Variants in CEP68 observed in about 807,000 individuals in gnomAD.
CEP68 encodes centrosomal protein 68, also known as centrosomal protein of 68 kDa.
Under a neutral mutation model 55.3 loss-of-function variants are expected in CEP68, and 26 were observed. The ratio of observed to expected loss-of-function variants is 0.47; its 90% CI spans 0.34 to 0.65. The LOEUF is 0.65. Among genes scored for constraint, CEP68 ranks in the 30% least tolerant of loss-of-function variants. CEP68 has a pLI of 0.01. For synonymous variants in CEP68, 402 were observed against 383.2 expected, an observed-to-expected ratio of 1.05 and a Z score of -0.57; for missense variants, 957 against 946.7, an observed-to-expected ratio of 1.01 and a Z score of -0.14.
Position 65,085,715 on chromosome 2 carries a change from G to C in CEP68, c.*2081G>C, listed in dbSNP as rs1486001212. On this transcript the variant is annotated 3_prime_UTR_variant, in exon 7 of 7. Coordinates refer to ENST00000377990, the MANE Select transcript of CEP68 (RefSeq NM_015147.3). The stretch of plus-strand genomic sequence containing the variant: ...AGTCCCAGCTACTTGGGAGGCTGAG[G>C]CATGAGAATGGCATGAACCCGGGAG... The C allele has an allele frequency of 6.6e-6, 1 of 152,366 alleles. No individual in the cohort carries two copies. The highest frequency in any genetic ancestry group is 1.5e-5 in the Non-Finnish European group (1 of 68,214). 9.4% of individuals were successfully genotyped at this position (152,366 alleles called of 1,614,324 possible).
chr2:65,063,339 G>A (rs891767593), intron 1 of CEP68, among the ~76,000 whole-genome samples: 1 of 152,228 alleles, frequency 6.6e-6, no homozygotes, highest in African/African-American at 2.4e-5. Context: ...TGAGTTCACT[G>A]TCTGTGCTCT....
intron 4 of CEP68, among the ~76,000 whole-genome samples, chr2:65,077,331 A>C (rs1362546950): frequency 6.6e-6 from 1 of 152,172 alleles, no homozygotes; most frequent in Non-Finnish European, 1.5e-5. Context: ...AACAAACATC[A>C]AGAACACCAG....
chr2:65,062,824 G>A (rs1675978008), intron 1 of CEP68, among the ~76,000 whole-genome samples: 1 of 146,484 alleles, frequency 6.8e-6, no homozygotes, highest in African/African-American at 2.6e-5. Context: ...GCGACAGAGC[G>A]AGACTCTATC....
chr2:65,080,753 G>A (rs1676973813), intron 5 of CEP68, among the ~76,000 whole-genome samples: 1 of 152,042 alleles, frequency 6.6e-6, no homozygotes, highest in Non-Finnish European at 1.5e-5. Context: ...GGGAGGCAGA[G>A]GTTGCAGTGA....
chr2:65,081,694 TTTTTG>T (rs10565893), intron 5 of CEP68, among the ~76,000 whole-genome samples: 11,294 of 151,920 alleles, frequency 0.074, 530 homozygotes, highest in East Asian at 0.23. Flanking sequence ...TCGGGTCATT[TTTTTG>T]TTTTGTTTTG....
At position 65,078,139 on chromosome 2, in the gene CEP68, C is replaced by T. The variant is rs147155140; in HGVS notation, c.2104+175C>T. Among the ~76,000 whole-genome samples, 345 of 152,324 alleles carry T rather than the reference C, an allele frequency of 2.3e-3. 3 individuals carry two copies. The highest frequency in any genetic ancestry group is 8.0e-3 in the African/African-American group (332 of 41,582). ...TCCACGCGTCGCTGCCCATCACTGCCCCTACACACCTGCTTAGAGGCAGTC... is the reference window on the plus strand; with the variant it reads ...TCCACGCGTCGCTGCCCATCACTGCTCCTACACACCTGCTTAGAGGCAGTC... On this transcript the variant is annotated intron_variant, in intron 5 of 6. Coordinates refer to ENST00000377990, the MANE Select transcript of CEP68 (RefSeq NM_015147.3).
chr2:65,077,919 C>A lies in CEP68; in HGVS notation c.2059C>A (p.Gln687Lys), dbSNP rs1676838364. 5 of 1,613,844 alleles carry A rather than the reference C, an allele frequency of 3.1e-6. No homozygotes were observed. In the African/African-American group the frequency reaches 4.0e-5, roughly 13 times the overall value. Residue 687 changes from glutamine to lysine, a missense_variant, in exon 5 of 7, where the codon CAG becomes AAG. By Grantham distance (53) the Gln-to-Lys change is moderately conservative. Coordinates refer to ENST00000377990, the MANE Select transcript of CEP68 (RefSeq NM_015147.3). ...EHQSLTESVL[Q>K]KGEILLQCLL... ...TCAGTCTCTGACGGAGAGTGTCTTA[C>A]AGAAGGGGGAGATTCTTCTTCAGTG...
chr2:65,064,590 T>C (rs928522478), intron 1 of CEP68, among the ~76,000 whole-genome samples: 1 of 151,936 alleles, frequency 6.6e-6, no homozygotes, highest in Non-Finnish European at 1.5e-5. Flanking sequence ...AAAAATTAGC[T>C]GGGTGCGGTG....
intron 1 of CEP68, among the ~76,000 whole-genome samples, chr2:65,064,205 A>G (rs1676043780): frequency 6.6e-6 from 1 of 152,208 alleles, no homozygotes; most frequent in Admixed American, 6.5e-5. Context: ...AGGGATGTCA[A>G]CTGAATAGTT....
In CEP68 at chr2:65,081,685, C is replaced by T. The variant is rs898266413; in HGVS notation, c.2105-851C>T. On this transcript the variant is annotated intron_variant, in intron 5 of 6. Coordinates refer to ENST00000377990, the MANE Select transcript of CEP68 (RefSeq NM_015147.3). ...AGTGAATCTTCCCTTAGACTGCTTT[C>T]GGGTCATTTTTTTGTTTTGTTTTGT... Among the ~76,000 whole-genome samples the T allele has an allele frequency of 2.0e-5, 3 of 151,258 alleles. No homozygotes were observed. The South Asian group carries it at 6.3e-4, about 32-fold the overall frequency.
chr2:65,056,952 C>G (rs1675640861), intron 1 of CEP68, among the ~76,000 whole-genome samples: 1 of 152,222 alleles, frequency 6.6e-6, no homozygotes, highest in Non-Finnish European at 1.5e-5. Flanking sequence ...ACCCAGCTCC[C>G]CAGTCGGGGC....
chr2:65,069,256 G>T, intron 1 of CEP68, 143 bp from the exon 2 acceptor site: 1 of 493,350 alleles, frequency 2.0e-6, no homozygotes, highest in Non-Finnish European at 3.6e-6. Flanking sequence ...GCCGGAACTC[G>T]GTGCTCCTCT....
chr2:65,069,103 AGG>A lies in CEP68; in HGVS notation c.-46-295_-46-294del, dbSNP rs1676334209. Among the ~76,000 whole-genome samples the A allele has an allele frequency of 2.6e-5, 4 of 152,280 alleles. No homozygotes were observed. The South Asian group carries it at 8.3e-4, about 32-fold the overall frequency. On this transcript the variant is annotated intron_variant, in intron 1 of 6. Coordinates refer to ENST00000377990, the MANE Select transcript of CEP68 (RefSeq NM_015147.3). ...AAAAGGGCAAAAAGGTGACTTAGGCAGGACCCCAGCCTTGATTGGACTTTGGA... is the reference window on the plus strand; with the variant it reads ...AAAAGGGCAAAAAGGTGACTTAGGCAACCCCAGCCTTGATTGGACTTTGGA...
intron 2 of CEP68, chr2:65,070,723 CTTA>C (rs1030415120): frequency 1.3e-5 from 2 of 151,970 alleles, no homozygotes; most frequent in African/African-American, 4.8e-5. Flanking sequence ...GAGTCCGGTG[CTTA>C]TTATTAGAAT....
In CEP68 at chr2:65,072,514, A is replaced by T. The variant is rs150135845; in HGVS notation, c.1418A>T (p.Glu473Val). ...TGCACAGAGTCTAGGTGGAAATCAG[A>T]AGAGGAAGTGGAAAGTGATGACGAG... is the stretch of plus-strand genomic sequence containing the variant. ...PTCTESRWKS[E>V]EEVESDDEYL... The change falls in exon 3 of 7, where the codon GAA (glutamate) becomes GTA (valine). Residue 473 changes from glutamate to valine, a missense_variant. Physicochemically the swap from Glu to Val is moderately radical, Grantham distance 121. Transcript: ENST00000377990. The T allele has an allele frequency of 5.9e-5, 95 of 1,613,964 alleles. No individual in the cohort carries two copies. Among genetic ancestry groups the T allele is most frequent in the Non-Finnish European group, 7.8e-5 (92 of 1,180,034 alleles).
chr2:65,071,475 T>C lies in CEP68; in HGVS notation c.379T>C (p.Ser127Pro). The C allele has an allele frequency of 6.2e-7, 1 of 1,613,568 alleles. No individual in the cohort carries two copies. Among genetic ancestry groups the C allele is most frequent in the South Asian group, 1.1e-5 (1 of 91,078 alleles). ...ESQVEKTKLS[S>P]SEEFPQTLSL... ...GCAGGTGGAGAAGACCAAGCTTTCT[T>C]CCTCCGAGGAGTTCCCTCAGACTCT... Residue 127 changes from serine (S) to proline (P), a missense_variant, in exon 3 of 7, where the codon TCC (serine) becomes CCC (proline). Transcript: ENST00000377990.
chr2:65,083,424 C>T (rs34842788), intron 6 of CEP68, among the ~76,000 whole-genome samples: 5,245 of 152,332 alleles, frequency 0.034, 129 homozygotes, highest in African/African-American at 0.068. Context: ...ATTGGACTGT[C>T]GTACGTCGCT....
At chr2:65,077,077 C>CA (rs1676802026) in intron 4 of CEP68, among the ~76,000 whole-genome samples, 3 of 147,926 alleles carry the variant, frequency 2.0e-5, no homozygotes, top group Admixed American at 6.8e-5. Context: ...CTCACTGCAA[C>CA]CCCTGCCTCC....
intron 3 of CEP68, chr2:65,073,253 A>G (rs184636645): frequency 3.7e-4 from 177 of 479,752 alleles, no homozygotes; most frequent in Admixed American, 1.7e-3. Flanking sequence ...CAGGTAGACT[A>G]TTTGCAGAGG....
Sources: allele counts gnomAD v4.1 joint callset (sites outside exome capture counted in the v4.1 genomes callset), GRCh38; gene constraint gnomAD v4.1.1; transcripts MANE v1.5; gene names NCBI Gene and HGNC (gene_info 2026-07-23, HGNC 2026-07-21).